The following UBAC2 variants were observed in gnomAD, a reference collection of about 807,000 sequenced individuals.
The protein encoded by UBAC2 is UBA domain containing 2, also known as ubiquitin-associated domain-containing protein 2.
A neutral mutation model predicts 44.0 loss-of-function variants in UBAC2; 26 were observed. That is an observed-to-expected ratio of 0.59 (90% CI 0.43 to 0.82). UBAC2 has a LOEUF of 0.82. UBAC2 is among the 40% of genes least tolerant of loss of function. The probability of loss-of-function intolerance (pLI) is 0.00; values close to 1 mark genes in which losing one functional copy is unlikely to be tolerated. For missense variants in UBAC2, 329 were observed against 419.4 expected, an observed-to-expected ratio of 0.78 and a Z score of 1.88; for synonymous variants, 155 against 154.3, an observed-to-expected ratio of 1.00 and a Z score of -0.04.
At chr13:99,211,057 G>A (rs1175663805) in intron 1 of UBAC2, among the ~76,000 whole-genome samples, 6 of 152,142 alleles carry the variant, frequency 3.9e-5, no homozygotes, top group African/African-American at 1.2e-4. Context: ...GTGTATTCTC[G>A]TATAACTTTT....
chr13:99,374,649 AC>A (rs1180288486), intron 8 of UBAC2, among the ~76,000 whole-genome samples: 79 of 152,324 alleles, frequency 5.2e-4, no homozygotes, highest in African/African-American at 1.7e-3. Context: ...CAGAAAACCC[AC>A]CGAAACTCCT....
Position 99,340,433 on chromosome 13 carries a change from A to T in UBAC2, c.675A>T (p.Ser225=). ...CACTTGAACCCATCTTCTCTTCTTCAGAACCCACCAGCGAAGCCAGAATTG... is the reference window on the plus strand; with the variant it reads ...CACTTGAACCCATCTTCTCTTCTTCTGAACCCACCAGCGAAGCCAGAATTG... The part of the protein sequence containing the change: ...SWTLEPIFSS[S]EPTSEARIGM... Residue 225 remains serine (S), a synonymous_variant, in exon 7 of 9, where the codon TCA becomes TCT. Transcript: ENST00000403766. The T allele has an allele frequency of 1.2e-6, 2 of 1,614,248 alleles. No individual in the cohort carries two copies.
At chr13:99,260,634 T>G (rs2043646334) in intron 4 of UBAC2, among the ~76,000 whole-genome samples, 1 of 152,194 alleles carries the variant, frequency 6.6e-6, no homozygotes, top group Admixed American at 6.5e-5. Flanking sequence ...GCCCAGTCAT[T>G]TGACAGCAAG....
Position 99,295,991 on chromosome 13 carries a change from G to A in UBAC2, c.390-18106G>A, listed in dbSNP as rs1174575037. The A allele has an allele frequency of 1.2e-6, 2 of 1,614,084 alleles. No homozygotes were observed. Among genetic ancestry groups the A allele is most frequent in the East Asian group, 4.5e-5 (2 of 44,884 alleles). On this transcript the variant is annotated intron_variant, in intron 4 of 8. Transcript: ENST00000403766. This position sits in a 1 kb window ranked among gnomAD's most constrained non-coding sequence, Gnocchi z 4.1. Reference sequence around the variant, plus strand: ...CCTGTTTTGAACAATGACGACCAAGGCTAGTAAGTTTCCCACGAGCCCAAT... The same window carrying A: ...CCTGTTTTGAACAATGACGACCAAGACTAGTAAGTTTCCCACGAGCCCAAT...
At chr13:99,280,668 G>A (rs7999348) in intron 4 of UBAC2, among the ~76,000 whole-genome samples, 82,901 of 152,094 alleles carry the variant, frequency 0.55, 24,967 homozygotes, top group Non-Finnish European at 0.7. Context: ...GCATGGAGTA[G>A]TGAAGAGTGT....
At chr13:99,367,709 T>G in intron 7 of UBAC2, 78 bp from the exon 8 acceptor site, 2 of 1,586,858 alleles carry the variant, frequency 1.3e-6, no homozygotes, top group South Asian at 2.2e-5. Flanking sequence ...TGTAACTGCA[T>G]TGAGAGAAAG....
chr13:99,274,932 G>A (rs2043863855), intron 4 of UBAC2, among the ~76,000 whole-genome samples: 2 of 151,746 alleles, frequency 1.3e-5, no homozygotes. Context: ...TGCCCCGGCT[G>A]GTCTCAAACT....
chr13:99,278,542 CAT>C (rs1181716922), intron 4 of UBAC2, among the ~76,000 whole-genome samples: 1 of 152,118 alleles, frequency 6.6e-6, no homozygotes, highest in Non-Finnish European at 1.5e-5. Flanking sequence ...AAATAGCCAA[CAT>C]ATAAATAATC....
chr13:99,381,344 C>G (rs2045548069), intron 8 of UBAC2, among the ~76,000 whole-genome samples: 1 of 152,216 alleles, frequency 6.6e-6, no homozygotes, highest in South Asian at 2.1e-4. Context: ...CTTCATCACT[C>G]CAGATTATGA....
At chr13:99,220,930 G>C (rs887429269) in intron 1 of UBAC2, among the ~76,000 whole-genome samples, 3 of 151,800 alleles carry the variant, frequency 2.0e-5, no homozygotes, top group Admixed American at 2.0e-4. Flanking sequence ...GATTATCTCT[G>C]TTAATATTTT....
At chr13:99,333,363 G>T (rs892756807) in intron 6 of UBAC2, among the ~76,000 whole-genome samples, 2 of 152,220 alleles carry the variant, frequency 1.3e-5, no homozygotes, top group Admixed American at 6.5e-5. Flanking sequence ...ATGGACAAGT[G>T]AACTCTTTAT....
chr13:99,378,145 G>A (rs953314312), intron 8 of UBAC2, among the ~76,000 whole-genome samples: 1 of 152,104 alleles, frequency 6.6e-6, no homozygotes. Flanking sequence ...CATCACTGTT[G>A]TCACAGTCAC....
At chr13:99,262,710 CAAAAAAAAAAAAAAAAA>C (rs61627160) in intron 4 of UBAC2, among the ~76,000 whole-genome samples, 2 of 57,158 alleles carry the variant, frequency 3.5e-5, no homozygotes, top group Admixed American at 2.3e-4. Flanking sequence ...AACTCCCTCT[CAAAAAAAAAAAAAAAAA>C]AAAAAAAAAA....
At chr13:99,375,302 C>T (rs2045464916) in intron 8 of UBAC2, among the ~76,000 whole-genome samples, 2 of 150,416 alleles carry the variant, frequency 1.3e-5, no homozygotes, top group South Asian at 4.2e-4. Flanking sequence ...CTGCAGTTCT[C>T]CCAAGGAAGA....
chr13:99,238,581 G>C (rs2043266291), intron 2 of UBAC2, 27 bp downstream of exon 2: 1 of 1,532,956 alleles, frequency 6.5e-7, no homozygotes, highest in Non-Finnish European at 8.8e-7. Flanking sequence ...TGGCCCCTGA[G>C]AGGAGAGCGG....
intron 7 of UBAC2, among the ~76,000 whole-genome samples, chr13:99,363,861 G>C (rs1258944077): frequency 1.3e-5 from 2 of 152,212 alleles, no homozygotes; most frequent in Non-Finnish European, 2.9e-5. Context: ...CTCAATTCAG[G>C]AACATGCTGA....
At chr13:99,201,816 A>T (rs1320151222) in intron 1 of UBAC2, among the ~76,000 whole-genome samples, 1 of 152,150 alleles carries the variant, frequency 6.6e-6, no homozygotes, top group Non-Finnish European at 1.5e-5. Context: ...TCACGCCTGT[A>T]ATCCCAGCAC....
chr13:99,296,303 A>G, intron 4 of UBAC2: 1 of 555,220 alleles, frequency 1.8e-6, no homozygotes, highest in East Asian at 3.2e-5. Context: ...AAATTTCATG[A>G]CATGCAATTT....
chr13:99,213,292 T>G (rs1341265404), intron 1 of UBAC2, among the ~76,000 whole-genome samples: 1 of 152,002 alleles, frequency 6.6e-6, no homozygotes, highest in Non-Finnish European at 1.5e-5. Flanking sequence ...TAACCTCAGG[T>G]GATCTGCCTT....
Sources: gnomAD v4.1 joint callset for allele counts (sites outside exome capture counted in the v4.1 genomes callset) on GRCh38, gnomAD v4.1.1 for gene constraint, Gnocchi (gnomAD v3.1) non-coding constraint, MANE v1.5 for transcripts, NCBI Gene and HGNC (gene_info 2026-07-23, HGNC 2026-07-21) for gene names.